The following GRIA1 variants were observed in gnomAD, a reference collection of about 807,000 sequenced individuals.
GRIA1 encodes the protein glutamate ionotropic receptor AMPA type subunit 1, also known as glutamate receptor 1.
A neutral mutation model predicts 99.2 loss-of-function variants in GRIA1; 31 were observed. The ratio of observed to expected loss-of-function variants is 0.31; its 90% confidence interval spans 0.23 to 0.42. The LOEUF is 0.42. Among genes scored for constraint, GRIA1 ranks in the 10% least tolerant of loss-of-function variants. GRIA1 has a pLI of 1.00. For synonymous variants in GRIA1, 438 were observed against 432.4 expected (o/e 1.01, Z -0.16); for missense variants, 782 against 1,157.5 (o/e 0.68, Z 4.71).
rs528724376 is a variant in GRIA1, at chr5:153,718,724, G to C, written c.1823+12657G>C. The stretch of plus-strand genomic sequence containing the variant: ...TCACTTCCTTCCCACCCTATCCCTG[G>C]TCCCCCACCAATCATTTATTCCCTG... On this transcript the variant is annotated intron_variant, in intron 11 of 15. Coordinates refer to ENST00000285900, the MANE Select transcript of GRIA1 (RefSeq NM_000827.4). Among the ~76,000 whole-genome samples, 58 of 151,772 alleles carry C rather than the reference G, an allele frequency of 3.8e-4. 1 individual carries two copies. In the Middle Eastern group the frequency reaches 0.014, roughly 36 times the overall value.
intron 2 of GRIA1, among the ~76,000 whole-genome samples, chr5:153,608,745 C>T (rs1036852113): frequency 2.0e-5 from 3 of 152,148 alleles, no homozygotes; most frequent in Non-Finnish European, 4.4e-5. Context: ...CCTATTTTCT[C>T]TGCTTTTCTG....
intron 8 of GRIA1, among the ~76,000 whole-genome samples, chr5:153,697,341 C>G (rs956676093): frequency 6.6e-6 from 1 of 152,198 alleles, no homozygotes; most frequent in African/African-American, 2.4e-5. Flanking sequence ...TGACAACAAG[C>G]AACACTAATG....
intron 2 of GRIA1, among the ~76,000 whole-genome samples, chr5:153,545,840 C>T (rs1759567383): frequency 6.6e-6 from 1 of 152,174 alleles, no homozygotes; most frequent in Admixed American, 6.5e-5. Context: ...TCCAATAAAA[C>T]TTTATTTACA....
Position 153,707,186 on chromosome 5 carries a change from G to A in GRIA1, c.1823+1119G>A, listed in dbSNP as rs182213649. Among the ~76,000 whole-genome samples the A allele has an allele frequency of 2.6e-3, 388 of 152,154 alleles. 4 individuals carry two copies. Among genetic ancestry groups the A allele is most frequent in the African/African-American group, 8.6e-3 (358 of 41,500 alleles). On this transcript the variant is annotated intron_variant, in intron 11 of 15. Transcript: ENST00000285900. ...CAGATATCACATTGAAAGCACACTC[G>A]GGTAACCAAATCAGTGGGATTTTAG... is the stretch of plus-strand genomic sequence containing the variant.
chr5:153,492,909 G>T (rs969488788), intron 1 of GRIA1, among the ~76,000 whole-genome samples: 1 of 152,184 alleles, frequency 6.6e-6, no homozygotes, highest in African/African-American at 2.4e-5. Context: ...CCATTTATTG[G>T]TTCTTAAAAA....
chr5:153,734,949 G>A (rs2149564485), intron 11 of GRIA1, among the ~76,000 whole-genome samples: 1 of 152,216 alleles, frequency 6.6e-6, no homozygotes. Flanking sequence ...CTCTAACTTA[G>A]TGGTTCTCAA....
intron 3 of GRIA1, among the ~76,000 whole-genome samples, chr5:153,649,443 AG>A (rs373943599): frequency 0.32 from 39,452 of 122,622 alleles, 5,904 homozygotes; most frequent in Non-Finnish European, 0.4. Flanking sequence ...TTATTTATTT[AG>A]TTAGTTAGTT....
intron 2 of GRIA1, among the ~76,000 whole-genome samples, chr5:153,601,574 G>A (rs149225661): frequency 2.6e-4 from 40 of 152,278 alleles, no homozygotes; most frequent in African/African-American, 7.5e-4. Flanking sequence ...AAATCAGAGC[G>A]GAAAACACCT....
chr5:153,544,017 C>T (rs974137888), intron 2 of GRIA1, among the ~76,000 whole-genome samples: 1 of 151,980 alleles, frequency 6.6e-6, no homozygotes, highest in Non-Finnish European at 1.5e-5. Context: ...TGAGGGAAGG[C>T]CTCTGATAAG....
At chr5:153,722,414 T>C in intron 11 of GRIA1, among the ~76,000 whole-genome samples, 1 of 152,198 alleles carries the variant, frequency 6.6e-6, no homozygotes, top group Non-Finnish European at 1.5e-5. Context: ...CATAAAGATA[T>C]TCTTTTATAG....
At chr5:153,504,623 A>G (rs933980436) in intron 2 of GRIA1, among the ~76,000 whole-genome samples, 6 of 152,134 alleles carry the variant, frequency 3.9e-5, no homozygotes, top group African/African-American at 1.4e-4. Context: ...AAGTCAGGAC[A>G]GGCAAAAGGT....
At chr5:153,740,464 G>A (rs946177782) in intron 11 of GRIA1, among the ~76,000 whole-genome samples, 15 of 152,198 alleles carry the variant, frequency 9.9e-5, no homozygotes, top group Non-Finnish European at 4.4e-5. Flanking sequence ...CAGCAGGGAC[G>A]AAGGAAGGAT....
chr5:153,494,140 G>T (rs1754194418), intron 2 of GRIA1, 75 bp downstream of exon 2: 1 of 1,501,432 alleles, frequency 6.7e-7, no homozygotes, highest in African/African-American at 1.4e-5. Context: ...GGTAGGTGGT[G>T]GTGTTGCAAA....
chr5:153,628,329 A>G (rs559033005), intron 2 of GRIA1, among the ~76,000 whole-genome samples: 1 of 152,350 alleles, frequency 6.6e-6, no homozygotes, highest in East Asian at 1.9e-4. Flanking sequence ...CAGGACGGCT[A>G]CAAGCATGGA....
intron 2 of GRIA1, among the ~76,000 whole-genome samples, chr5:153,586,721 T>A (rs1763516868): frequency 6.6e-6 from 1 of 151,972 alleles, no homozygotes; most frequent in Non-Finnish European, 1.5e-5. Context: ...ATCATTGGAG[T>A]GCTTTTTCCA....
intron 12 of GRIA1, among the ~76,000 whole-genome samples, chr5:153,766,584 CA>C (rs535710133): frequency 5.9e-5 from 9 of 152,124 alleles, no homozygotes; most frequent in Non-Finnish European, 1.2e-4. Flanking sequence ...ATGCAAGTGT[CA>C]GGGGTGGGTA....
chr5:153,796,601 T>C (rs1321843817), intron 14 of GRIA1, among the ~76,000 whole-genome samples: 1 of 152,142 alleles, frequency 6.6e-6, no homozygotes, highest in Non-Finnish European at 1.5e-5. Flanking sequence ...TAAAAGAGAA[T>C]TGAAAAGAGA....
At chr5:153,607,826 C>A (rs1765592277) in intron 2 of GRIA1, among the ~76,000 whole-genome samples, 1 of 152,026 alleles carries the variant, frequency 6.6e-6, no homozygotes, top group South Asian at 2.1e-4. Flanking sequence ...ATTCAGTCAG[C>A]ATTATTTATA....
At chr5:153,724,918 G>C (rs933396776) in intron 11 of GRIA1, among the ~76,000 whole-genome samples, 2 of 152,152 alleles carry the variant, frequency 1.3e-5, no homozygotes, top group African/African-American at 4.8e-5. Flanking sequence ...TACTCCTCGA[G>C]AAGAGCAACT....
Sources: gnomAD v4.1 joint callset for allele counts (sites outside exome capture counted in the v4.1 genomes callset) on GRCh38, gnomAD v4.1.1 for gene constraint, MANE v1.5 for transcripts, NCBI Gene and HGNC (gene_info 2026-07-23, HGNC 2026-07-21) for gene names.